Variants in DIAPH2 observed in about 807,000 individuals in gnomAD.
DIAPH2 encodes diaphanous related formin 2, also known as protein diaphanous homolog 2.
Under a neutral mutation model 92.7 loss-of-function variants are expected in DIAPH2, and 35 were observed. The observed-to-expected ratio is 0.38, with a 90% CI of 0.29 to 0.50. DIAPH2 has a LOEUF of 0.50. Ranked by LOEUF, DIAPH2 falls within the 20% of genes least tolerant of loss-of-function variation. The pLI is 0.94. For synonymous variants in DIAPH2, 301 were observed against 280.4 expected (o/e 1.07, Z -0.73); for missense variants, 701 against 819.5 (o/e 0.86, Z 1.77).
intron 26 of DIAPH2, among the ~76,000 whole-genome samples, 180 bp downstream of exon 26, chrX:97,429,925 G>A (rs1232003472): frequency 9.0e-6 from 1 of 111,474 alleles, no homozygotes; most frequent in Non-Finnish European, 1.9e-5. Flanking sequence ...GTTTCAACTT[G>A]GTAAATGTAT....
intron 21 of DIAPH2, among the ~76,000 whole-genome samples, chrX:97,130,864 A>C (rs1202424210): frequency 9.0e-6 from 1 of 111,087 alleles, no homozygotes; most frequent in Non-Finnish European, 1.9e-5. Context: ...CAGCACTTTG[A>C]GAGGCCGAGG....
chrX:96,971,437 T>G (rs1282243666), intron 17 of DIAPH2, among the ~76,000 whole-genome samples: 1 of 111,205 alleles, frequency 9.0e-6, no homozygotes, highest in Non-Finnish European at 1.9e-5. Context: ...TGTATGTGTG[T>G]GTGTGTGGGT....
At chrX:97,063,079 C>T (rs1170454642) in intron 17 of DIAPH2, among the ~76,000 whole-genome samples, 1 of 108,603 alleles carries the variant, frequency 9.2e-6, no homozygotes, top group East Asian at 2.9e-4. Flanking sequence ...TCAGGTCCTC[C>T]CTATCTTACT....
At chrX:96,906,723 AATGATGG>A (rs2065436259) in intron 5 of DIAPH2, among the ~76,000 whole-genome samples, 1 of 112,245 alleles carries the variant, frequency 8.9e-6, no homozygotes, top group African/African-American at 3.2e-5. Flanking sequence ...AGCATAATCC[AATGATGG>A]ATGATGGAAT....
Position 97,481,471 on chromosome X carries a change from C to T in DIAPH2, c.3241+51726C>T, listed in dbSNP as rs144903184. Among the ~76,000 whole-genome samples, 38 of 111,463 alleles carry T rather than the reference C, an allele frequency of 3.4e-4. 1 individual carries two copies. The highest frequency in any genetic ancestry group is 1.2e-3 in the African/African-American group (37 of 30,687). ...AAGTCAGACCAAGATGATAAGATAT[C>T]CAGAGTGAGGAATAAGGAATTTGAT... is the stretch of plus-strand genomic sequence containing the variant. On this transcript the variant is annotated intron_variant, in intron 26 of 26. Coordinates refer to ENST00000324765, the MANE Select transcript of DIAPH2 (RefSeq NM_006729.5).
Position 96,722,358 on chromosome X carries a change from GA to G in DIAPH2, c.133-13389del, listed in dbSNP as rs758634410. Among the ~76,000 whole-genome samples, 624 of 102,807 alleles carry G rather than the reference GA, an allele frequency of 6.1e-3. 3 individuals carry two copies. Among genetic ancestry groups the G allele is most frequent in the Admixed American group, 7.0e-3 (67 of 9,639 alleles). 89.3% of individuals were successfully genotyped at this position (102,807 alleles called of 115,157 possible). A position where few individuals can be genotyped will look rare whatever the true frequency, so the allele number is the denominator to read the frequency against. On this transcript the variant is annotated intron_variant, in intron 1 of 26. Coordinates refer to ENST00000324765, the MANE Select transcript of DIAPH2 (RefSeq NM_006729.5). Reference sequence around the variant, plus strand: ...GGCAGCAGAGCGAGACTCCGTCTTAGAAAAAAAAAAAGAGAGACTCTCATTC... The same window carrying G: ...GGCAGCAGAGCGAGACTCCGTCTTAGAAAAAAAAAAGAGAGACTCTCATTC...
At position 96,977,690 on chromosome X, in the gene DIAPH2, C is replaced by CT. The variant is rs1276239233; in HGVS notation, c.2050+12495dup. Among the ~76,000 whole-genome samples the CT allele has an allele frequency of 3.3e-3, 340 of 102,167 alleles. 1 individual carries two copies. Among genetic ancestry groups the CT allele is most frequent in the African/African-American group, 9.9e-3 (281 of 28,383 alleles). The allele number at this position is 102,167 out of a possible 115,157, so 88.7% of individuals were successfully genotyped here. On this transcript the variant is annotated intron_variant, in intron 17 of 26. Coordinates refer to ENST00000324765, the MANE Select transcript of DIAPH2 (RefSeq NM_006729.5). ...TATTCTAAGTTAATTAGTTTTTTTT[C>CT]TTTTTTTTTTTTAAACAAAGTGTTG...
chrX:96,944,986 A>G (rs2065729111), intron 13 of DIAPH2, among the ~76,000 whole-genome samples: 1 of 111,311 alleles, frequency 9.0e-6, no homozygotes, highest in Non-Finnish European at 1.9e-5. Flanking sequence ...TTATATTCTG[A>G]AGTGTTTGAT....
intron 25 of DIAPH2, among the ~76,000 whole-genome samples, chrX:97,416,979 C>T (rs1202850346): frequency 1.8e-5 from 2 of 111,515 alleles, no homozygotes; most frequent in Non-Finnish European, 3.8e-5. Flanking sequence ...TACCTGGGTC[C>T]GAAAGACAAA....
chrX:97,179,969 A>G (rs995555994), intron 22 of DIAPH2, among the ~76,000 whole-genome samples: 5 of 111,752 alleles, frequency 4.5e-5, no homozygotes, highest in Non-Finnish European at 9.4e-5. Context: ...AACCACCCCC[A>G]TGATTCAAAT....
intron 17 of DIAPH2, among the ~76,000 whole-genome samples, chrX:97,008,674 A>C (rs1165239887): frequency 8.9e-6 from 1 of 111,760 alleles, no homozygotes; most frequent in Non-Finnish European, 1.9e-5. Flanking sequence ...TGGCTTTTGC[A>C]GACTTGTAGG....
rs185612261 is a variant in DIAPH2 at position 97,382,623 on chromosome X, A to G, written c.3010-1286A>G. On this transcript the variant is annotated intron_variant, in intron 24 of 26. Coordinates refer to ENST00000324765, the MANE Select transcript of DIAPH2 (RefSeq NM_006729.5). ...TTTTTAAGTGGTAGTCTTTGAGTTC[A>G]TCTACAATAGCCAGGTACCTTTGTG... Among the ~76,000 whole-genome samples the G allele has an allele frequency of 1.7e-4, 19 of 111,962 alleles. No individual in the cohort carries two copies. The East Asian group carries it at 4.2e-3, about 25-fold the overall frequency.
intron 4 of DIAPH2, among the ~76,000 whole-genome samples, chrX:96,837,404 C>CCTCTCTCTCTCTCT (rs758318611): frequency 6.1e-5 from 4 of 66,067 alleles, no homozygotes; most frequent in Non-Finnish European, 8.8e-5. Flanking sequence ...TTCCTCCCTC[C>CCTCTCTCTCTCTCT]CTCTCTCTCT....
In DIAPH2 at chrX:97,066,297, C is replaced by A. The variant is rs191990737; in HGVS notation, c.2051-6644C>A. Among the ~76,000 whole-genome samples the A allele has an allele frequency of 4.7e-3, 521 of 112,028 alleles. 7 individuals carry two copies. The highest frequency in any genetic ancestry group is 0.016 in the African/African-American group (503 of 30,851). On this transcript the variant is annotated intron_variant, in intron 17 of 26. Transcript: ENST00000324765. The stretch of plus-strand genomic sequence containing the variant: ...ATATCATAATTTTACTGTACCATTT[C>A]TATGTTTAAATATGTTTAGATATAC...
At chrX:96,820,133 A>C (rs903849696) in intron 4 of DIAPH2, among the ~76,000 whole-genome samples, 5 of 112,230 alleles carry the variant, frequency 4.5e-5, no homozygotes, top group Non-Finnish European at 9.4e-5. Context: ...TGTATTCAAG[A>C]ATTCAAGAAT....
At chrX:96,731,127 C>G (rs1193951289) in intron 1 of DIAPH2, among the ~76,000 whole-genome samples, 1 of 111,082 alleles carries the variant, frequency 9.0e-6, no homozygotes, top group Non-Finnish European at 1.9e-5. Flanking sequence ...AAGGCAGGAA[C>G]AGGCCATTTT....
chrX:97,516,233 C>T (rs1372717613), intron 26 of DIAPH2, among the ~76,000 whole-genome samples: 2 of 108,454 alleles, frequency 1.8e-5, no homozygotes, highest in Non-Finnish European at 3.8e-5. Flanking sequence ...CCAGCCTCAG[C>T]GACAGAGCGA....
intron 4 of DIAPH2, among the ~76,000 whole-genome samples, chrX:96,863,121 C>A (rs2065081522): frequency 9.1e-6 from 1 of 109,916 alleles, no homozygotes. Flanking sequence ...GGAGGTGGTA[C>A]ATACTTGAAT....
rs773164832 is a variant in DIAPH2 at position 96,883,752 on chromosome X, A to AT, written c.587+2039dup. Among the ~76,000 whole-genome samples the AT allele has an allele frequency of 3.6e-5, 4 of 110,612 alleles. No individual in the cohort carries two copies. In the South Asian group the frequency reaches 1.6e-3, roughly 43 times the overall value. On this transcript the variant is annotated intron_variant, in intron 5 of 26. Coordinates refer to ENST00000324765, the MANE Select transcript of DIAPH2 (RefSeq NM_006729.5). ...TTGAGAACAGTAACTACGGTGGTGC[A>AT]TTTTTCCCCCCTGCACGTAACGTAC...
Sources: allele counts gnomAD v4.1 joint callset (sites outside exome capture counted in the v4.1 genomes callset), GRCh38; gene constraint gnomAD v4.1.1; transcripts MANE v1.5; gene names NCBI Gene and HGNC (gene_info 2026-07-23, HGNC 2026-07-21).